Variants in BTBD9 observed in about 807,000 individuals in gnomAD.
BTBD9 encodes BTB domain containing 9.
In BTBD9, 49 loss-of-function variants were observed where a neutral mutation model predicts 64.3. The observed-to-expected ratio is 0.76, with a 90% CI of 0.61 to 0.97. BTBD9 has a LOEUF of 0.97. Ranked by LOEUF, BTBD9 falls within the 50% of genes least tolerant of loss-of-function variation. The probability of loss-of-function intolerance (pLI) is 0.00; values close to 1 mark genes in which losing one functional copy is unlikely to be tolerated. For missense variants in BTBD9, 598 were observed against 762.1 expected (o/e 0.78, Z 2.53); for synonymous variants, 260 against 274.7 (o/e 0.95, Z 0.53).
intron 9 of BTBD9, among the ~76,000 whole-genome samples, chr6:38,208,249 GT>G (rs1175616747): frequency 6.6e-6 from 1 of 152,204 alleles, no homozygotes; most frequent in Non-Finnish European, 1.5e-5. Flanking sequence ...AAGGCCTTGA[GT>G]GAGCATGGAG....
chr6:38,563,776 C>CTTTTTTTT (rs57927975), intron 6 of BTBD9, among the ~76,000 whole-genome samples: 7 of 113,582 alleles, frequency 6.2e-5, no homozygotes, highest in African/African-American at 1.8e-4. Flanking sequence ...GCCTATCTAA[C>CTTTTTTTT]TTTTTTTTTT....
intron 4 of BTBD9, among the ~76,000 whole-genome samples, chr6:38,581,354 A>T (rs914191721): frequency 2.0e-5 from 3 of 152,244 alleles, no homozygotes; most frequent in Non-Finnish European, 4.4e-5. Context: ...GTTATATATG[A>T]ATATGCTGAA....
At chr6:38,557,394 AC>A (rs2127453777) in intron 6 of BTBD9, among the ~76,000 whole-genome samples, 1 of 152,184 alleles carries the variant, frequency 6.6e-6, no homozygotes, top group African/African-American at 2.4e-5. Flanking sequence ...AGTCAGACAG[AC>A]CTCAGCTTCA....
At chr6:38,324,859 T>C (rs1421344298) in intron 7 of BTBD9, among the ~76,000 whole-genome samples, 1 of 152,160 alleles carries the variant, frequency 6.6e-6, no homozygotes, top group East Asian at 1.9e-4. Flanking sequence ...AGGAAATTCA[T>C]TGCAGTCCTG....
chr6:38,348,083 G>C (rs1582270209), intron 6 of BTBD9, among the ~76,000 whole-genome samples: 2 of 152,074 alleles, frequency 1.3e-5, no homozygotes, highest in African/African-American at 4.8e-5. Context: ...TGGGAGGAGG[G>C]AGCACAGGTA....
At chr6:38,432,958 T>C (rs1430255934) in intron 6 of BTBD9, among the ~76,000 whole-genome samples, 1 of 152,020 alleles carries the variant, frequency 6.6e-6, no homozygotes, top group South Asian at 2.1e-4. Context: ...GTGCAGCAGG[T>C]AGGAACAACC....
rs70981544 is a variant in BTBD9 at position 38,375,891 on chromosome 6, AAAAGAAAGAAAG to A, written c.1155-30810_1155-30799del. Among the ~76,000 whole-genome samples, 405 of 122,378 alleles carry A rather than the reference AAAAGAAAGAAAG, an allele frequency of 3.3e-3. 1 individual carries two copies. Among genetic ancestry groups the A allele is most frequent in the Non-Finnish European group, 4.1e-3 (246 of 59,592 alleles). The allele number at this position is 122,378 out of a possible 152,430, so 80.3% of individuals were successfully genotyped here. On this transcript the variant is annotated intron_variant, in intron 6 of 10. Transcript: ENST00000481247. Reference sequence around the variant, plus strand: ...GAGTCTACAAACAAAAGAAAGAAAGAAAAGAAAGAAAGAAAGAAAGAAAGAAAGAAAGAAAGA... The same window carrying A: ...GAGTCTACAAACAAAAGAAAGAAAGAAAAGAAAGAAAGAAAGAAAGAAAGA...
At chr6:38,394,229 G>A (rs1766563762) in intron 6 of BTBD9, among the ~76,000 whole-genome samples, 2 of 152,144 alleles carry the variant, frequency 1.3e-5, no homozygotes, top group Admixed American at 6.5e-5. Context: ...ATAAAATGTA[G>A]TAAGTACTAC....
chr6:38,362,150 T>C (rs910177511), intron 6 of BTBD9, among the ~76,000 whole-genome samples: 3 of 152,232 alleles, frequency 2.0e-5, no homozygotes, highest in African/African-American at 4.8e-5. Context: ...CATAGTGAAC[T>C]ATAACTTTCG....
At chr6:38,194,609 G>T (rs1450490320) in intron 9 of BTBD9, among the ~76,000 whole-genome samples, 1 of 152,170 alleles carries the variant, frequency 6.6e-6, no homozygotes, top group African/African-American at 2.4e-5. Flanking sequence ...GTGGCTCTGA[G>T]AGTGAAGGCA....
intron 6 of BTBD9, among the ~76,000 whole-genome samples, chr6:38,450,395 C>A (rs1048353138): frequency 1.3e-5 from 2 of 152,124 alleles, no homozygotes; most frequent in Non-Finnish European, 2.9e-5. Context: ...TCTTGAAAAA[C>A]GCTGAGAGAG....
chr6:38,284,086 C>G (rs1056181100), intron 8 of BTBD9, among the ~76,000 whole-genome samples: 1 of 152,104 alleles, frequency 6.6e-6, no homozygotes, highest in Admixed American at 6.5e-5. Flanking sequence ...ACAGAAGAGG[C>G]AAATGCAGTT....
In BTBD9 at chr6:38,293,354, T is replaced by G. The variant is rs191061119; in HGVS notation, c.1265-4893A>C. Among the ~76,000 whole-genome samples the G allele has an allele frequency of 6.1e-3, 927 of 152,286 alleles. 8 individuals are homozygous for G. The highest frequency in any genetic ancestry group is 0.021 in the African/African-American group (879 of 41,560). On this transcript the variant is annotated intron_variant, in intron 7 of 10. Coordinates refer to ENST00000481247, the MANE Select transcript of BTBD9 (RefSeq NM_001099272.2). The stretch of plus-strand genomic sequence containing the variant: ...ACATGGAACCAAAAAAGAGCTTGCA[T>G]AGCCAAGACAATCCTAAGAAAAAAG...
At chr6:38,269,052 C>T (rs192553595) in intron 8 of BTBD9, among the ~76,000 whole-genome samples, 1 of 152,260 alleles carries the variant, frequency 6.6e-6, no homozygotes, top group East Asian at 1.9e-4. Flanking sequence ...AAACACAAAA[C>T]AAAACTATAA....
chr6:38,439,910 G>A (rs1010414490), intron 6 of BTBD9, among the ~76,000 whole-genome samples: 4 of 152,192 alleles, frequency 2.6e-5, no homozygotes, highest in Non-Finnish European at 5.9e-5. Context: ...CAGTCAAGAA[G>A]AGGGATATGA....
At chr6:38,539,489 C>T (rs1774170000) in intron 6 of BTBD9, among the ~76,000 whole-genome samples, 1 of 152,092 alleles carries the variant, frequency 6.6e-6, no homozygotes, top group Admixed American at 6.6e-5. Context: ...AACCAGAAGA[C>T]CACTGTTCTG....
chr6:38,358,961 C>T (rs943526555), intron 6 of BTBD9, among the ~76,000 whole-genome samples: 8 of 151,578 alleles, frequency 5.3e-5, no homozygotes, highest in Non-Finnish European at 1.2e-4. Context: ...TTAGTAGAGA[C>T]GGGGTTTCAC....
chr6:38,586,404 A>G (rs1169315387), intron 4 of BTBD9, among the ~76,000 whole-genome samples: 4 of 142,416 alleles, frequency 2.8e-5, no homozygotes, highest in African/African-American at 8.0e-5. Context: ...CACTGTTTGG[A>G]TCTTTTTTTT....
chr6:38,272,461 A>G (rs555095950), intron 8 of BTBD9, among the ~76,000 whole-genome samples: 1 of 152,256 alleles, frequency 6.6e-6, no homozygotes, highest in Admixed American at 6.5e-5. Flanking sequence ...GAACAATAAA[A>G]ACCTTATAGT....
Sources: gnomAD v4.1 joint callset for allele counts (sites outside exome capture counted in the v4.1 genomes callset) on GRCh38, gnomAD v4.1.1 for gene constraint, MANE v1.5 for transcripts, NCBI Gene and HGNC (gene_info 2026-07-23, HGNC 2026-07-21) for gene names.